Variants in OPRM1 observed in about 807,000 individuals in gnomAD.
The protein encoded by OPRM1 is mu-type opioid receptor.
Under a neutral mutation model 31.8 loss-of-function variants are expected in OPRM1, and 27 were observed. The ratio of observed to expected loss-of-function variants is 0.85; its 90% CI spans 0.63 to 1.17. The LOEUF (loss-of-function observed/expected upper bound fraction) is 1.17. OPRM1 is among the 50% of genes most tolerant of loss of function. The pLI, the probability that OPRM1 is intolerant of heterozygous loss-of-function variation, is 0.00. For missense variants in OPRM1, 536 were observed against 511.1 expected (o/e 1.05, Z -0.47); for synonymous variants, 196 against 189.9 (o/e 1.03, Z -0.26).
At chr6:154,038,954 A>G (rs1319115962), upstream of OPRM1, 4 of 541,450 alleles carry the variant, frequency 7.4e-6, no homozygotes, top group East Asian at 1.3e-4. Context: ...CCATTCCTAA[A>G]TAATCAAAAT....
chr6:154,167,403 TGCTCCTTG>T (rs1799528554), intron 3 of OPRM1, among the ~76,000 whole-genome samples: 1 of 152,204 alleles, frequency 6.6e-6, no homozygotes, highest in Non-Finnish European at 1.5e-5. Context: ...GCTCTCATGG[TGCTCCTTG>T]GCTGCAGTGC....
chr6:154,226,139 C>A (rs918068270), intron 3 of OPRM1, among the ~76,000 whole-genome samples: 1 of 152,200 alleles, frequency 6.6e-6, no homozygotes, highest in Non-Finnish European at 1.5e-5. Context: ...GACTTATTCT[C>A]TTTTTGTTCC....
chr6:154,039,511 C>G lies in OPRM1; in HGVS notation c.-34C>G. 1 of 1,588,016 alleles carries G rather than the reference C, an allele frequency of 6.3e-7. No homozygotes were observed. The highest frequency in any genetic ancestry group is 2.3e-5 in the East Asian group (1 of 43,572). ...GAAAAGTCTCGGTGCTCCTGGCTAC[C>G]TCGCACAGCGGTGCCCGCCCGGCCG... On this transcript the variant is annotated 5_prime_UTR_variant, in exon 1 of 4. Coordinates refer to ENST00000330432, the MANE Select transcript of OPRM1 (RefSeq NM_000914.5).
chr6:154,054,367 CAAAAAAAAAAAAA>C (rs1194794442), intron 1 of OPRM1, among the ~76,000 whole-genome samples: 1 of 53,062 alleles, frequency 1.9e-5, no homozygotes, highest in Non-Finnish European at 4.1e-5. Context: ...GACTCCGTCT[CAAAAAAAAAAAAA>C]AAAAAAAAAA....
intron 1 of OPRM1, among the ~76,000 whole-genome samples, chr6:154,060,525 T>C (rs1008880305): frequency 4.7e-4 from 71 of 152,222 alleles, no homozygotes; most frequent in African/African-American, 1.6e-3. Flanking sequence ...CCATTCCATA[T>C]TCTTTGTCTT....
At chr6:154,087,140 C>T (rs1450367201) in intron 1 of OPRM1, 3 of 985,160 alleles carry the variant, frequency 3.0e-6, no homozygotes, top group Middle Eastern at 5.2e-4. Context: ...AAAAAAAAGC[C>T]CCCAAGTCTG....
rs536259388 is a variant in OPRM1 at position 154,082,475 on chromosome 6, A to T, written c.291-7351A>T. On this transcript the variant is annotated intron_variant, in intron 1 of 3. Transcript: ENST00000330432. ...TTTCTAGAAATTTAAAATCTACAGC[A>T]TATGTTTGCACTTCTACAAAAGGTA... Among the ~76,000 whole-genome samples, 25 of 152,346 alleles carry T rather than the reference A, an allele frequency of 1.6e-4. 1 individual carries two copies. Among genetic ancestry groups the T allele is most frequent in the Admixed American group, 1.2e-3 (19 of 15,308 alleles).
At chr6:154,062,038 G>A (rs1784530192) in intron 1 of OPRM1, among the ~76,000 whole-genome samples, 2 of 152,126 alleles carry the variant, frequency 1.3e-5, no homozygotes, top group African/African-American at 2.4e-5. Context: ...TGATCACGAA[G>A]TTAGAGTATT....
At position 154,221,402 on chromosome 6, in the gene OPRM1, T is replaced by C. The variant is rs1453317712; in HGVS notation, c.1165-25291T>C. The C allele has an allele frequency of 6.1e-6, 7 of 1,138,336 alleles. No homozygotes were observed. The East Asian group carries it at 1.4e-4, about 24-fold the overall frequency. The allele number at this position is 1,138,336 out of a possible 1,614,324, so 70.5% of individuals were successfully genotyped here. A position where few individuals can be genotyped will look rare whatever the true frequency, so the allele number is the denominator to read the frequency against. On this transcript the variant is annotated intron_variant, in intron 3 of 3. Coordinates refer to the OPRM1 transcript ENST00000337049. Reference sequence around the variant, plus strand: ...AACAATGGGTCTGAAAGTAAATCAGTAAAATACAAGCTTTGTAAACTTGTC... The same window carrying C: ...AACAATGGGTCTGAAAGTAAATCAGCAAAATACAAGCTTTGTAAACTTGTC...
intron 1 of OPRM1, among the ~76,000 whole-genome samples, chr6:154,046,477 C>T (rs577472348): frequency 6.6e-6 from 1 of 152,306 alleles, no homozygotes; most frequent in Admixed American, 6.5e-5. Context: ...CTGCCACTCC[C>T]TTTTCCATTA....
chr6:154,237,979 C>T (rs1464677632), intron 3 of OPRM1, among the ~76,000 whole-genome samples: 2 of 151,922 alleles, frequency 1.3e-5, no homozygotes, highest in African/African-American at 4.8e-5. Context: ...CGATTTTAAA[C>T]GATTTTAGGA....
chr6:154,104,431 G>A (rs1795296819), intron 3 of OPRM1, among the ~76,000 whole-genome samples: 2 of 152,134 alleles, frequency 1.3e-5, no homozygotes, highest in African/African-American at 4.8e-5. Context: ...AGCTGATATG[G>A]GGTTGTTAGC....
intron 3 of OPRM1, among the ~76,000 whole-genome samples, chr6:154,142,080 C>G (rs75739971): frequency 0.055 from 8,244 of 149,782 alleles, 453 homozygotes; most frequent in African/African-American, 0.15. Flanking sequence ...TAGCCCAACT[C>G]TCACGCTCTG....
intron 3 of OPRM1, chr6:154,159,471 A>G: frequency 4.1e-6 from 1 of 245,618 alleles, no homozygotes; most frequent in Non-Finnish European, 7.7e-6. Flanking sequence ...TTCCATGGGC[A>G]ATTACTCCTG....
rs1554298352 is a variant in OPRM1, at chr6:154,244,301, G to GTGTGT, written c.1165-2392_1165-2391insTGTGT. Among the ~76,000 whole-genome samples the GTGTGT allele has an allele frequency of 1.4e-4, 21 of 148,058 alleles. 1 individual carries two copies. Among genetic ancestry groups the GTGTGT allele is most frequent in the Admixed American group, 4.0e-4 (6 of 14,848 alleles). ...TTAAGATTCGGTGTGTGTGTGGGTG[G>GTGTGT]GTGTGTGTGTGTGTGTGTGTGTGTG... On this transcript the variant is annotated intron_variant, in intron 3 of 3. Coordinates refer to the OPRM1 transcript ENST00000337049.
chr6:154,218,454 C>T (rs1332593104), intron 3 of OPRM1, among the ~76,000 whole-genome samples: 1 of 152,148 alleles, frequency 6.6e-6, no homozygotes, highest in Non-Finnish European at 1.5e-5. Context: ...TGTCACTATC[C>T]AGAAATGCAG....
intron 1 of OPRM1, among the ~76,000 whole-genome samples, chr6:154,049,804 G>A (rs17174654): frequency 1.1e-4 from 17 of 152,060 alleles, no homozygotes; most frequent in African/African-American, 2.2e-4. Context: ...TATATACAGC[G>A]CATTGATTGA....
intron 3 of OPRM1, among the ~76,000 whole-genome samples, chr6:154,205,017 G>A (rs969743329): frequency 6.6e-6 from 1 of 152,074 alleles, no homozygotes; most frequent in African/African-American, 2.4e-5. Context: ...TGGGTGGACG[G>A]CCTCCTTCCC....
chr6:154,052,275 G>A (rs752875166), intron 1 of OPRM1, among the ~76,000 whole-genome samples: 16 of 152,148 alleles, frequency 1.1e-4, no homozygotes, highest in African/African-American at 2.7e-4. Flanking sequence ...GCAAACCACC[G>A]TGGCACAAGT....
Sources: allele counts gnomAD v4.1 joint callset (sites outside exome capture counted in the v4.1 genomes callset), GRCh38; gene constraint gnomAD v4.1.1; transcripts MANE v1.5; gene names NCBI Gene and HGNC (gene_info 2026-07-23, HGNC 2026-07-21).